The following IGF1R variants were observed in gnomAD, a reference collection of about 807,000 sequenced individuals.
The protein encoded by IGF1R is insulin-like growth factor 1 receptor.
In IGF1R, 44 loss-of-function variants were observed where a neutral mutation model predicts 144.6. The ratio of observed to expected loss-of-function variants is 0.30; its 90% CI spans 0.24 to 0.39. The LOEUF (loss-of-function observed/expected upper bound fraction) is 0.39. IGF1R is among the 10% of genes least tolerant of loss of function. The probability of loss-of-function intolerance (pLI) is 1.00; values close to 1 mark genes in which losing one functional copy is unlikely to be tolerated. For missense variants in IGF1R, 1,355 were observed against 1,833.7 expected, an observed-to-expected ratio of 0.74 and a Z score of 4.77; for synonymous variants, 795 against 722.8, an observed-to-expected ratio of 1.10 and a Z score of -1.60.
chr15:98,733,079 G>A (rs997931984), intron 2 of IGF1R, among the ~76,000 whole-genome samples: 1 of 152,078 alleles, frequency 6.6e-6, no homozygotes, highest in African/African-American at 2.4e-5. Flanking sequence ...TCTACGTGTG[G>A]GTGAACACCT....
At chr15:98,723,340 C>G (rs2054286433) in intron 2 of IGF1R, among the ~76,000 whole-genome samples, 1 of 152,226 alleles carries the variant, frequency 6.6e-6, no homozygotes, top group Admixed American at 6.5e-5. Flanking sequence ...AAGAAAAACT[C>G]TGCATATGAT....
chr15:98,850,877 GAGTGCATATTGTGGACCT>G (rs1403303508), intron 2 of IGF1R, among the ~76,000 whole-genome samples: 1 of 130,310 alleles, frequency 7.7e-6, no homozygotes, highest in African/African-American at 3.4e-5. Context: ...AGACTTGATT[GAGTGCATATTGTGGACCT>G]GTGTCTCCAC....
At chr15:98,860,701 G>A (rs902568032) in intron 2 of IGF1R, among the ~76,000 whole-genome samples, 3 of 152,126 alleles carry the variant, frequency 2.0e-5, no homozygotes, top group Admixed American at 6.5e-5. Flanking sequence ...TGTGCTTATT[G>A]TGTTCTTATG....
chr15:98,961,908 G>C lies in IGF1R; in HGVS notation c.*4466G>C, dbSNP rs184311472. The C allele has an allele frequency of 1.3e-3, 313 of 233,352 alleles. No homozygotes were observed. The highest frequency in any genetic ancestry group is 2.1e-3 in the Non-Finnish European group (244 of 118,072). 14.5% of individuals were successfully genotyped at this position (233,352 alleles called of 1,614,324 possible). A position where few individuals can be genotyped will look rare whatever the true frequency, so the allele number is the denominator to read the frequency against. ...GTCACATTTCAATGGTACGAAAAGT[G>C]GCTTCGTAAAATAGAAGAGCAGTCA... is the stretch of plus-strand genomic sequence containing the variant. On this transcript the variant is annotated 3_prime_UTR_variant, in exon 21 of 21. Transcript: ENST00000650285.
intron 2 of IGF1R, among the ~76,000 whole-genome samples, chr15:98,779,274 CATG>C (rs1312707815): frequency 6.6e-6 from 1 of 152,196 alleles, no homozygotes; most frequent in East Asian, 1.9e-4. Context: ...CCTCATGTTT[CATG>C]ATGACTTTAA....
chr15:98,921,924 G>A (rs2015504698), intron 10 of IGF1R, among the ~76,000 whole-genome samples: 1 of 152,114 alleles, frequency 6.6e-6, no homozygotes, highest in African/African-American at 2.4e-5. Flanking sequence ...CTGAGAGCCG[G>A]GGGGTGGGGG....
Position 98,776,432 on chromosome 15 carries a change from C to T in IGF1R, c.640+68325C>T, listed in dbSNP as rs140542978. ...AACTCCTGACCTCAGATGATCCACG[C>T]GCCTTGGCCTCCCAAAGTGCTGGGA... On this transcript the variant is annotated intron_variant, in intron 2 of 20. Coordinates refer to ENST00000650285, the MANE Select transcript of IGF1R (RefSeq NM_000875.5). Among the ~76,000 whole-genome samples the T allele has an allele frequency of 6.7e-3, 1,019 of 152,226 alleles. 3 individuals carry two copies. The highest frequency in any genetic ancestry group is 0.011 in the Non-Finnish European group (769 of 68,012).
intron 2 of IGF1R, among the ~76,000 whole-genome samples, chr15:98,794,017 C>G (rs750272235): frequency 2.6e-5 from 4 of 152,188 alleles, no homozygotes; most frequent in African/African-American, 4.8e-5. Context: ...TATCTTAGCA[C>G]TTAGGTAGCA....
chr15:98,867,991 G>A (rs1051551417), intron 2 of IGF1R, among the ~76,000 whole-genome samples: 2 of 152,116 alleles, frequency 1.3e-5, no homozygotes, highest in South Asian at 2.1e-4. Flanking sequence ...GCTTGAGGTC[G>A]GGAGTTCGAG....
rs752825927 is a variant in IGF1R, at chr15:98,924,624, A to G, written c.2722A>G (p.Thr908Ala). 1 of 1,614,216 alleles carries G rather than the reference A, an allele frequency of 6.2e-7. No individual in the cohort carries two copies. Among genetic ancestry groups the G allele is most frequent in the East Asian group, 2.2e-5 (1 of 44,892 alleles). The change falls in exon 13 of 21, where the codon ACA becomes GCA. Residue 908 changes from threonine (T) to alanine (A), a missense_variant. Coordinates refer to ENST00000650285, the MANE Select transcript of IGF1R (RefSeq NM_000875.5). ...PGNYTARIQA[T>A]SLSGNGSWTD... ...GAACTACACAGCCCGGATTCAGGCC[A>G]CATCTCTCTCTGGGAATGGGTCGTG...
At chr15:98,732,790 C>T (rs78044788) in intron 2 of IGF1R, among the ~76,000 whole-genome samples, 6,552 of 152,130 alleles carry the variant, frequency 0.043, 180 homozygotes, top group African/African-American at 0.066. Context: ...GCTTGTGGCA[C>T]GAGCAAGGGG....
At chr15:98,926,693 A>C (rs924913358) in intron 13 of IGF1R, among the ~76,000 whole-genome samples, 1 of 152,244 alleles carries the variant, frequency 6.6e-6, no homozygotes, top group African/African-American at 2.4e-5. Flanking sequence ...CAAAAGCAGG[A>C]TGGGGTGAAT....
chr15:98,735,969 C>T (rs1486979924), intron 2 of IGF1R, among the ~76,000 whole-genome samples: 3 of 152,218 alleles, frequency 2.0e-5, no homozygotes, highest in Non-Finnish European at 4.4e-5. Flanking sequence ...TAAGCAGACA[C>T]ATCAAATTAA....
intron 8 of IGF1R, among the ~76,000 whole-genome samples, chr15:98,914,689 C>G (rs755213655): frequency 1.6e-4 from 25 of 152,190 alleles, no homozygotes; most frequent in Non-Finnish European, 3.2e-4. Flanking sequence ...GACAGATTCT[C>G]AAGAAACCTG....
chr15:98,829,504 G>T (rs967870429), intron 2 of IGF1R, among the ~76,000 whole-genome samples: 5 of 152,226 alleles, frequency 3.3e-5, no homozygotes, highest in African/African-American at 1.2e-4. Flanking sequence ...AGCCAAAAGA[G>T]TGGTGAACCA....
At chr15:98,857,672 A>T (rs2011905329) in intron 2 of IGF1R, among the ~76,000 whole-genome samples, 1 of 152,214 alleles carries the variant, frequency 6.6e-6, no homozygotes, top group Non-Finnish European at 1.5e-5. Context: ...GCTATGGAGC[A>T]CTTGAAATGT....
At chr15:98,753,254 G>T (rs2055063196) in intron 2 of IGF1R, among the ~76,000 whole-genome samples, 1 of 149,370 alleles carries the variant, frequency 6.7e-6, no homozygotes, top group Non-Finnish European at 1.5e-5. Flanking sequence ...AAATAAAGAG[G>T]GTCTCAGGCT....
At chr15:98,800,128 G>C (rs1186644727) in intron 2 of IGF1R, among the ~76,000 whole-genome samples, 1 of 152,036 alleles carries the variant, frequency 6.6e-6, no homozygotes, top group African/African-American at 2.4e-5. Context: ...CTAGGGACTT[G>C]GTGTTTTACA....
chr15:98,887,679 T>C (rs899781556), intron 2 of IGF1R, among the ~76,000 whole-genome samples: 1 of 152,224 alleles, frequency 6.6e-6, no homozygotes, highest in Non-Finnish European at 1.5e-5. Context: ...GGCACACGCC[T>C]GACGAGCGGG....
Sources: allele counts gnomAD v4.1 joint callset (sites outside exome capture counted in the v4.1 genomes callset), GRCh38; gene constraint gnomAD v4.1.1; transcripts MANE v1.5; gene names NCBI Gene and HGNC (gene_info 2026-07-23, HGNC 2026-07-21).